Variants in TG observed in about 807,000 individuals in gnomAD.
TG encodes thyroid hormones.
In TG, 270 loss-of-function variants were observed where a neutral mutation model predicts 324.7. The observed-to-expected ratio is 0.83, with a 90% CI of 0.75 to 0.92. The LOEUF (loss-of-function observed/expected upper bound fraction) is 0.92. Among genes scored for constraint, TG ranks in the 40% least tolerant of loss-of-function variants. The pLI, the probability that TG is intolerant of heterozygous loss-of-function variation, is 0.00. For synonymous variants in TG, 1,401 were observed against 1,327.0 expected (o/e 1.06, Z -1.21); for missense variants, 3,591 against 3,456.4 (o/e 1.04, Z -0.98).
rs368017719 is a variant in TG at position 132,974,774 on chromosome 8, A to G, written c.6199+2033A>G. ...GTTTGGTGCCTTGTTCCATAGCCAT[A>G]TCCAACATGAAAGATCCAGATGCAG... is the stretch of plus-strand genomic sequence containing the variant. On this transcript the variant is annotated intron_variant, in intron 34 of 47. Transcript: ENST00000220616. Among the ~76,000 whole-genome samples the G allele has an allele frequency of 2.4e-4, 36 of 152,330 alleles. 2 individuals are homozygous for G. The highest frequency in any genetic ancestry group is 8.4e-4 in the African/African-American group (35 of 41,570).
At chr8:133,131,693 A>G (rs751279590) in intron 45 of TG, 119 bp from the exon 46 acceptor site, 51 of 1,423,352 alleles carry the variant, frequency 3.6e-5, no homozygotes, top group Non-Finnish European at 4.8e-5. Flanking sequence ...ATACTTGGAT[A>G]TGATATAAAG....
At chr8:133,064,935 A>C (rs1259561753) in intron 41 of TG, among the ~76,000 whole-genome samples, 1 of 152,178 alleles carries the variant, frequency 6.6e-6, no homozygotes, top group African/African-American at 2.4e-5. Flanking sequence ...AGGAAGTCCA[A>C]CCAAGGGAAG....
chr8:132,918,087 G>C (rs983071693), intron 20 of TG, among the ~76,000 whole-genome samples: 1 of 152,048 alleles, frequency 6.6e-6, no homozygotes. Flanking sequence ...GGCAGCCGTG[G>C]TCTCATTCTG....
chr8:132,923,417 G>T lies in TG; in HGVS notation c.4608G>T (p.Arg1536Ser), dbSNP rs753497510. The change falls in exon 22 of 48, where the codon AGG becomes AGT. Residue 1536 changes from arginine (R) to serine (S), a missense_variant. Coordinates refer to ENST00000220616, the MANE Select transcript of TG (RefSeq NM_003235.5). ...NGQYRASQKDRGSGKAFCVDG... is the reference protein window; with the variant it reads ...NGQYRASQKDSGSGKAFCVDG... Reference sequence around the variant, plus strand: ...AGTATCGAGCCAGCCAGAAGGACAGGGGCAGTGGGAAGGCCTTCTGTGTGG... The same window carrying T: ...AGTATCGAGCCAGCCAGAAGGACAGTGGCAGTGGGAAGGCCTTCTGTGTGG... The T allele has an allele frequency of 5.0e-6, 8 of 1,614,036 alleles. No individual in the cohort carries two copies. Among genetic ancestry groups the T allele is most frequent in the African/African-American group, 1.3e-5 (1 of 74,902 alleles).
intron 16 of TG, among the ~76,000 whole-genome samples, chr8:132,902,785 A>G (rs1168734325): frequency 1.3e-5 from 2 of 152,204 alleles, no homozygotes; most frequent in South Asian, 2.1e-4. Flanking sequence ...GGCCTCCTCC[A>G]GGAACAGGTC....
chr8:132,898,391 C>A (rs1045202646), intron 13 of TG, 145 bp downstream of exon 13: 12 of 815,432 alleles, frequency 1.5e-5, no homozygotes, highest in Admixed American at 2.0e-5. Flanking sequence ...TTTCCCAAGT[C>A]CCCAGGCCTG....
intron 8 of TG, among the ~76,000 whole-genome samples, chr8:132,884,086 TCTC>T (rs1178574544): frequency 6.6e-6 from 1 of 152,220 alleles, no homozygotes; most frequent in Non-Finnish European, 1.5e-5. Flanking sequence ...CTATGAGTCT[TCTC>T]CTCTTCTTAC....
chr8:132,901,700 C>T (rs1053982626), intron 16 of TG, 147 bp downstream of exon 16: 131 of 857,168 alleles, frequency 1.5e-4, no homozygotes, highest in East Asian at 2.7e-4. Context: ...TGAGTCCCTT[C>T]GTGTGAAAAC....
chr8:133,037,080 A>G (rs1230901648), intron 41 of TG: 1 of 152,256 alleles, frequency 6.6e-6, no homozygotes, highest in Non-Finnish European at 1.5e-5. Flanking sequence ...TACACATACC[A>G]GTAGCACGAT....
chr8:133,027,077 G>A (rs1420256837), intron 40 of TG, among the ~76,000 whole-genome samples: 2 of 152,174 alleles, frequency 1.3e-5, no homozygotes, highest in African/African-American at 4.8e-5. Context: ...GACTGCAGCC[G>A]GCTGGTGTGG....
At chr8:133,126,616 A>G (rs1449320006) in intron 45 of TG, among the ~76,000 whole-genome samples, 5 of 152,114 alleles carry the variant, frequency 3.3e-5, no homozygotes, top group Non-Finnish European at 1.5e-5. Flanking sequence ...CAGGGAGCTT[A>G]TTTTTAAAGG....
intron 39 of TG, 55 bp downstream of exon 39, chr8:133,019,750 C>A: frequency 6.9e-7 from 1 of 1,440,646 alleles, no homozygotes; most frequent in Non-Finnish European, 9.7e-7. Context: ...ATTAGAAATC[C>A]ACTGTCCCCA....
intron 5 of TG, among the ~76,000 whole-genome samples, chr8:132,876,478 C>G (rs1289993330): frequency 1.3e-5 from 2 of 152,110 alleles, no homozygotes; most frequent in Non-Finnish European, 2.9e-5. Flanking sequence ...GCAGTTACTT[C>G]CCTGGGGCCA....
chr8:132,989,630 C>T (rs1486194301), intron 35 of TG, among the ~76,000 whole-genome samples: 2 of 152,244 alleles, frequency 1.3e-5, no homozygotes, highest in Non-Finnish European at 2.9e-5. Context: ...GCTGCCCCAA[C>T]AGCTTTTGAA....
At chr8:132,881,164 T>C (rs1406940194) in intron 5 of TG, among the ~76,000 whole-genome samples, 1 of 152,240 alleles carries the variant, frequency 6.6e-6, no homozygotes, top group African/African-American at 2.4e-5. Context: ...CTCCTCAATA[T>C]GGCTTTTTAT....
chr8:133,105,267 C>G (rs1021779806), intron 43 of TG, among the ~76,000 whole-genome samples: 2 of 152,140 alleles, frequency 1.3e-5, no homozygotes, highest in African/African-American at 4.8e-5. Flanking sequence ...CCCCTAAGCC[C>G]CTGCCAAGAG....
chr8:132,941,567 G>A (rs778071903), intron 26 of TG, 25 bp downstream of exon 26: 2 of 1,613,960 alleles, frequency 1.2e-6, no homozygotes, highest in South Asian at 2.2e-5. Context: ...GAGGGCCAGG[G>A]CCTAACAAGG....
intron 35 of TG, among the ~76,000 whole-genome samples, chr8:133,005,017 G>A (rs1317326742): frequency 6.6e-6 from 1 of 152,220 alleles, no homozygotes. Flanking sequence ...GGACAATGGA[G>A]GGAGTGGTGG....
chr8:133,052,164 C>T (rs547557182), intron 41 of TG, among the ~76,000 whole-genome samples: 348 of 152,256 alleles, frequency 2.3e-3, no homozygotes, highest in African/African-American at 8.1e-3. Flanking sequence ...TTGCAGCCTC[C>T]GAGTCATAAG....
Sources: gnomAD v4.1 joint callset for allele counts (sites outside exome capture counted in the v4.1 genomes callset) on GRCh38, gnomAD v4.1.1 for gene constraint, MANE v1.5 for transcripts, NCBI Gene and HGNC (gene_info 2026-07-23, HGNC 2026-07-21) for gene names.